CCDC88A: variants seen among roughly 807,000 people sequenced by gnomAD.
The protein encoded by CCDC88A is coiled-coil and HOOK domain protein 88A, also known as girdin.
CCDC88A carries 54 observed loss-of-function variants against 234.3 expected under a neutral mutation model. The ratio of observed to expected loss-of-function variants is 0.23; its 90% CI spans 0.19 to 0.29. The LOEUF is 0.29. CCDC88A is among the 10% of genes least tolerant of loss of function. The pLI, the probability that CCDC88A is intolerant of heterozygous loss-of-function variation, is 1.00. For synonymous variants in CCDC88A, 753 were observed against 737.8 expected (o/e 1.02, Z -0.33); for missense variants, 1,832 against 2,123.4 (o/e 0.86, Z 2.70).
intron 25 of CCDC88A, 94 bp from the exon 26 acceptor site, chr2:55,303,246 A>G: frequency 1.3e-6 from 1 of 772,992 alleles, no homozygotes; most frequent in Non-Finnish European, 2.3e-6. Context: ...AATTAAGGAC[A>G]GAAATGAATG....
rs1361151619 is a variant in CCDC88A at position 55,288,041 on chromosome 2, C to G, written c.*3159G>C. 1 of 152,586 alleles carries G rather than the reference C, an allele frequency of 6.6e-6. No homozygotes were observed. The highest frequency in any genetic ancestry group is 2.4e-5 in the African/African-American group (1 of 41,424). The allele number at this position is 152,586 out of a possible 1,614,324, so 9.5% of individuals were successfully genotyped here. ...GTAATAAACATTTTGCCATTCAACTCTAAATCCCTTATTAGCATTAGTTTT... is the reference window on the plus strand; with the variant it reads ...GTAATAAACATTTTGCCATTCAACTGTAAATCCCTTATTAGCATTAGTTTT... On this transcript the variant is annotated 3_prime_UTR_variant, in exon 33 of 33. Coordinates refer to ENST00000436346, the MANE Select transcript of CCDC88A (RefSeq NM_001365480.1).
At chr2:55,416,381 C>A (rs1681385542) in intron 2 of CCDC88A, among the ~76,000 whole-genome samples, 1 of 125,796 alleles carries the variant, frequency 7.9e-6, no homozygotes. Flanking sequence ...AACATCAAAG[C>A]TACTAATATA....
intron 28 of CCDC88A, 148 bp from the exon 29 acceptor site, chr2:55,300,067 A>G (rs1558627565): frequency 1.6e-6 from 1 of 612,234 alleles, no homozygotes; most frequent in Middle Eastern, 2.6e-4. Flanking sequence ...GCAAATTTCC[A>G]GATAGTTCAT....
At chr2:55,295,126 C>G (rs1248856923) in intron 31 of CCDC88A, 1 of 1,305,740 alleles carries the variant, frequency 7.7e-7, no homozygotes. Flanking sequence ...AATGCAGCTT[C>G]TGTGTCATCA....
chr2:55,363,234 TAAGAG>T (rs1028458152), intron 6 of CCDC88A, among the ~76,000 whole-genome samples: 12 of 151,900 alleles, frequency 7.9e-5, no homozygotes, highest in African/African-American at 2.9e-4. Context: ...AAATGCTAAA[TAAGAG>T]AAAAGATGTC....
At chr2:55,397,475 T>C (rs1329098642) in intron 2 of CCDC88A, 1 of 152,134 alleles carries the variant, frequency 6.6e-6, no homozygotes, top group East Asian at 1.9e-4. Context: ...CATTACTACA[T>C]GACAATATAC....
In CCDC88A at chr2:55,317,154, T is replaced by C; in HGVS notation, c.3746+52A>G. ...AAAAACATATATATACACATATATA[T>C]GTATATACTTTCTATATAAAATGTT... On this transcript the variant is annotated intron_variant, in intron 21 of 32. Transcript: ENST00000436346. This position sits in a 1 kb window ranked among gnomAD's most constrained non-coding sequence, Gnocchi z 4.2. The C allele has an allele frequency of 1.3e-6, 1 of 753,812 alleles. No individual in the cohort carries two copies. 46.7% of individuals were successfully genotyped at this position (753,812 alleles called of 1,614,324 possible).
At chr2:55,371,453 A>G (rs1171984020) in intron 5 of CCDC88A, among the ~76,000 whole-genome samples, 6 of 152,186 alleles carry the variant, frequency 3.9e-5, no homozygotes, top group Admixed American at 6.5e-5. Flanking sequence ...AAGAAGTGAG[A>G]CAGTTTAAAA....
intron 7 of CCDC88A, among the ~76,000 whole-genome samples, chr2:55,359,327 CT>C: frequency 6.6e-6 from 1 of 151,894 alleles, no homozygotes; most frequent in East Asian, 1.9e-4. Flanking sequence ...CTATCAAGAG[CT>C]TCTAGAAGTC....
At chr2:55,380,494 G>A (rs1361143624) in intron 3 of CCDC88A, among the ~76,000 whole-genome samples, 1 of 152,086 alleles carries the variant, frequency 6.6e-6, no homozygotes, top group East Asian at 1.9e-4. Flanking sequence ...AGAGATTATG[G>A]TAATAGGAAA....
intron 6 of CCDC88A, among the ~76,000 whole-genome samples, chr2:55,362,798 G>C (rs1671492248): frequency 6.6e-6 from 1 of 151,908 alleles, no homozygotes; most frequent in Non-Finnish European, 1.5e-5. Flanking sequence ...TATTGTACTT[G>C]AATTCAAGAG....
In CCDC88A at chr2:55,352,860, T is replaced by C. The variant is rs543255194; in HGVS notation, c.800+2719A>G. Among the ~76,000 whole-genome samples the C allele has an allele frequency of 6.9e-4, 105 of 152,302 alleles. 1 individual carries two copies. The South Asian group carries it at 0.022, about 32-fold the overall frequency. The stretch of plus-strand genomic sequence containing the variant: ...CTGATTGTAATTACTTATTGTATAG[T>C]TTCCATTTGGTATAAGGCAACCTGC... On this transcript the variant is annotated intron_variant, in intron 8 of 32. Coordinates refer to ENST00000436346, the MANE Select transcript of CCDC88A (RefSeq NM_001365480.1).
chr2:55,346,479 G>T (rs1325427572), intron 9 of CCDC88A, 146 bp from the exon 10 acceptor site: 5 of 407,008 alleles, frequency 1.2e-5, no homozygotes, highest in Non-Finnish European at 1.7e-5. Context: ...GAGTGCAATG[G>T]TGCAATCTCA....
intron 17 of CCDC88A, among the ~76,000 whole-genome samples, chr2:55,326,060 G>T (rs781420409): frequency 3.3e-5 from 5 of 151,936 alleles, no homozygotes; most frequent in Non-Finnish European, 7.4e-5. Flanking sequence ...TTTAACTGGG[G>T]TGTTTAGACC....
In CCDC88A at chr2:55,328,724, C is replaced by G; in HGVS notation, c.2856-289G>C. The G allele has an allele frequency of 4.9e-6, 1 of 204,624 alleles. No individual in the cohort carries two copies. Among genetic ancestry groups the G allele is most frequent in the Non-Finnish European group, 9.5e-6 (1 of 104,802 alleles). The allele number at this position is 204,624 out of a possible 1,614,324, so 12.7% of individuals were successfully genotyped here. A position where few individuals can be genotyped will look rare whatever the true frequency, so the allele number is the denominator to read the frequency against. On this transcript the variant is annotated intron_variant, in intron 16 of 32. Transcript: ENST00000436346. The surrounding 1 kb of genome is among the most constrained non-coding windows in gnomAD (Gnocchi z 4.3). ...CGGAAGACCAAAGTCCCAAAATATCCTTTTTATTAATGAAGACTCCTTTGT... is the reference window on the plus strand; with the variant it reads ...CGGAAGACCAAAGTCCCAAAATATCGTTTTTATTAATGAAGACTCCTTTGT...
intron 7 of CCDC88A, among the ~76,000 whole-genome samples, chr2:55,359,421 A>G (rs1670996957): frequency 6.6e-6 from 1 of 152,018 alleles, no homozygotes; most frequent in African/African-American, 2.4e-5. Flanking sequence ...AGTATTTTCC[A>G]TTAAAGATTA....
At chr2:55,412,413 TAGG>T (rs1680654554) in intron 2 of CCDC88A, among the ~76,000 whole-genome samples, 1 of 152,160 alleles carries the variant, frequency 6.6e-6, no homozygotes, top group Admixed American at 6.5e-5. Flanking sequence ...CATGGCTTGT[TAGG>T]AAAGCCACAC....
At chr2:55,395,857 T>C (rs1317907838) in intron 2 of CCDC88A, among the ~76,000 whole-genome samples, 1 of 152,170 alleles carries the variant, frequency 6.6e-6, no homozygotes, top group Non-Finnish European at 1.5e-5. Flanking sequence ...AAACTCAGAA[T>C]AGCCCAAGGC....
intron 3 of CCDC88A, among the ~76,000 whole-genome samples, chr2:55,377,663 G>C (rs561557331): frequency 6.6e-6 from 1 of 152,116 alleles, no homozygotes; most frequent in African/African-American, 2.4e-5. Context: ...AGGCTGGAGT[G>C]CAATGGCATC....
Sources: gnomAD v4.1 joint callset for allele counts (sites outside exome capture counted in the v4.1 genomes callset) on GRCh38, gnomAD v4.1.1 for gene constraint, Gnocchi (gnomAD v3.1) non-coding constraint, MANE v1.5 for transcripts, NCBI Gene and HGNC (gene_info 2026-07-23, HGNC 2026-07-21) for gene names.